The following SCFD2 variants were observed in gnomAD, a reference collection of about 807,000 sequenced individuals.
SCFD2 encodes sec1 family domain-containing protein 2.
In SCFD2, 54 loss-of-function variants were observed where a neutral mutation model predicts 58.9. That is an observed-to-expected ratio of 0.92 (90% confidence interval 0.74 to 1.15). The LOEUF is 1.15. SCFD2 is among the 50% of genes most tolerant of loss of function. The pLI is 0.00. For missense variants in SCFD2, 805 were observed against 836.6 expected, an observed-to-expected ratio of 0.96 and a Z score of 0.47; for synonymous variants, 321 against 335.9, an observed-to-expected ratio of 0.96 and a Z score of 0.49.
chr4:53,244,452 T>C (rs1231718862), intron 4 of SCFD2, among the ~76,000 whole-genome samples: 1 of 152,106 alleles, frequency 6.6e-6, no homozygotes, highest in Non-Finnish European at 1.5e-5. Context: ...CTGGAAACCA[T>C]ACAATTACAT....
intron 5 of SCFD2, among the ~76,000 whole-genome samples, chr4:52,963,889 A>G (rs183663830): frequency 2.6e-5 from 4 of 152,308 alleles, no homozygotes; most frequent in East Asian, 3.9e-4. Context: ...AAAGTTCCAT[A>G]TTGTGTCATT....
At chr4:53,147,905 C>A (rs1251942725) in intron 4 of SCFD2, among the ~76,000 whole-genome samples, 1 of 152,176 alleles carries the variant, frequency 6.6e-6, no homozygotes, top group Non-Finnish European at 1.5e-5. Flanking sequence ...GGCAAACTTG[C>A]TCTAGAGGAA....
At chr4:53,318,538 GA>G (rs1436274322) in intron 2 of SCFD2, among the ~76,000 whole-genome samples, 6 of 152,042 alleles carry the variant, frequency 3.9e-5, no homozygotes, top group Non-Finnish European at 7.4e-5. Context: ...AGCACCTAAA[GA>G]AAAATTTATA....
At chr4:53,171,315 T>C (rs766175603) in intron 4 of SCFD2, among the ~76,000 whole-genome samples, 1 of 152,244 alleles carries the variant, frequency 6.6e-6, no homozygotes, top group Non-Finnish European at 1.5e-5. Flanking sequence ...TATTTCACAT[T>C]TTTCGATTTG....
intron 5 of SCFD2, among the ~76,000 whole-genome samples, chr4:53,055,574 A>T (rs1723314392): frequency 6.6e-6 from 1 of 152,106 alleles, no homozygotes; most frequent in Non-Finnish European, 1.5e-5. Context: ...GATAAAAAAG[A>T]ACCACCCTGG....
intron 4 of SCFD2, among the ~76,000 whole-genome samples, chr4:53,170,773 G>T (rs1727156494): frequency 6.6e-6 from 1 of 151,802 alleles, no homozygotes; most frequent in Non-Finnish European, 1.5e-5. Context: ...TTATTCCTAG[G>T]TATTTTTTTA....
chr4:53,175,375 A>C (rs966101549), intron 4 of SCFD2, among the ~76,000 whole-genome samples: 5 of 152,204 alleles, frequency 3.3e-5, no homozygotes, highest in Non-Finnish European at 7.3e-5. Context: ...AATATAACAA[A>C]AAATCCTACT....
At chr4:52,904,163 A>T (rs886467619) in intron 7 of SCFD2, among the ~76,000 whole-genome samples, 1 of 152,196 alleles carries the variant, frequency 6.6e-6, no homozygotes, top group Non-Finnish European at 1.5e-5. Context: ...CCCTGAGCCA[A>T]CATCATCACG....
chr4:53,313,509 T>G, intron 3 of SCFD2, 127 bp downstream of exon 3: 1 of 1,031,190 alleles, frequency 9.7e-7, no homozygotes. Flanking sequence ...TTCCCTATTC[T>G]TTCAACAGTA....
At chr4:52,970,071 T>A (rs1721058849) in intron 5 of SCFD2, among the ~76,000 whole-genome samples, 1 of 152,208 alleles carries the variant, frequency 6.6e-6, no homozygotes, top group Non-Finnish European at 1.5e-5. Context: ...ACAACTCCAG[T>A]CTACAGCTCC....
intron 4 of SCFD2, among the ~76,000 whole-genome samples, chr4:53,258,294 A>G (rs1730710798): frequency 6.6e-6 from 1 of 151,954 alleles, no homozygotes; most frequent in East Asian, 1.9e-4. Flanking sequence ...ACTGTAAGCA[A>G]TGTGTAGTCT....
intron 5 of SCFD2, among the ~76,000 whole-genome samples, chr4:53,029,277 T>A (rs1199207681): frequency 6.6e-6 from 1 of 152,208 alleles, no homozygotes; most frequent in African/African-American, 2.4e-5. Context: ...CAAAAATTGC[T>A]TTTCCTTAAC....
intron 4 of SCFD2, among the ~76,000 whole-genome samples, chr4:53,174,025 T>C (rs1279491810): frequency 1.3e-5 from 2 of 152,102 alleles, no homozygotes; most frequent in East Asian, 3.8e-4. Context: ...AAAAACTACC[T>C]GATATTTTTA....
chr4:53,242,054 C>T (rs1577885405), intron 4 of SCFD2, among the ~76,000 whole-genome samples: 1 of 152,264 alleles, frequency 6.6e-6, no homozygotes, highest in African/African-American at 2.4e-5. Flanking sequence ...GCTGCCATTG[C>T]TGCAGCTGTG....
At chr4:53,325,900 A>T (rs1258073043) in intron 2 of SCFD2, among the ~76,000 whole-genome samples, 1 of 152,206 alleles carries the variant, frequency 6.6e-6, no homozygotes, top group Non-Finnish European at 1.5e-5. Context: ...CCCAAAATCA[A>T]ACCTGAAGGA....
chr4:53,305,053 T>C (rs1732469934), intron 3 of SCFD2, among the ~76,000 whole-genome samples: 1 of 152,152 alleles, frequency 6.6e-6, no homozygotes, highest in Non-Finnish European at 1.5e-5. Context: ...TTCTGTTAGT[T>C]TTCCTTCTAA....
intron 4 of SCFD2, among the ~76,000 whole-genome samples, chr4:53,248,047 CGCAGGTCAGTGGGT>C (rs1730170754): frequency 6.6e-6 from 1 of 152,066 alleles, no homozygotes; most frequent in Non-Finnish European, 1.5e-5. Flanking sequence ...AGACAGTGGG[CGCAGGTCAGTGGGT>C]GCAGCGCACC....
At chr4:53,011,332 G>T (rs559400350) in intron 5 of SCFD2, among the ~76,000 whole-genome samples, 3 of 152,108 alleles carry the variant, frequency 2.0e-5, no homozygotes, top group Non-Finnish European at 4.4e-5. Flanking sequence ...CAGCTGCAGA[G>T]GTTTACTGTC....
chr4:53,085,927 T>C (rs1340649470), intron 5 of SCFD2, among the ~76,000 whole-genome samples: 2 of 152,138 alleles, frequency 1.3e-5, no homozygotes, highest in African/African-American at 2.4e-5. Context: ...CCTACAACTA[T>C]GAAACCACTA....
Sources: gnomAD v4.1 joint callset for allele counts (sites outside exome capture counted in the v4.1 genomes callset) on GRCh38, gnomAD v4.1.1 for gene constraint, MANE v1.5 for transcripts, NCBI Gene and HGNC (gene_info 2026-07-23, HGNC 2026-07-21) for gene names.